The following SUGCT variants were observed in gnomAD, a reference collection of about 807,000 sequenced individuals.
SUGCT encodes the protein succinyl-CoA:glutarate CoA-transferase.
SUGCT carries 41 observed loss-of-function variants against 55.0 expected under a neutral mutation model. The ratio of observed to expected loss-of-function variants is 0.74; its 90% CI spans 0.58 to 0.97. The LOEUF is 0.97. Ranked by LOEUF, SUGCT falls within the 50% of genes least tolerant of loss-of-function variation. The pLI is 0.00. For synonymous variants in SUGCT, 187 were observed against 200.4 expected (o/e 0.93, Z 0.56); for missense variants, 568 against 547.8 (o/e 1.04, Z -0.37).
the SUGCT span, among the ~76,000 whole-genome samples, chr7:41,002,047 G>C: frequency 6.6e-6 from 1 of 152,186 alleles, no homozygotes. Context: ...TATTTTGAGA[G>C]TCTTGCTTTG....
chr7:40,722,221 A>T (rs1318235004), intron 12 of SUGCT, among the ~76,000 whole-genome samples: 1 of 152,036 alleles, frequency 6.6e-6, no homozygotes, highest in African/African-American at 2.4e-5. Context: ...ATTGGGGAAA[A>T]TTTTTCAGCA....
intron 7 of SUGCT, among the ~76,000 whole-genome samples, chr7:40,267,073 T>C (rs1451073602): frequency 2.7e-5 from 4 of 148,494 alleles, no homozygotes; most frequent in Non-Finnish European, 6.0e-5. Flanking sequence ...AAAATAACAC[T>C]GGGAATGGTG....
the SUGCT span, among the ~76,000 whole-genome samples, chr7:40,920,378 T>C: frequency 6.5e-4 from 99 of 152,148 alleles, 1 homozygote; most frequent in Non-Finnish European, 7.8e-4. Context: ...AACAAGAATA[T>C]CACCAGAAGC....
chr7:40,175,327 C>G (rs1784872237), intron 1 of SUGCT, among the ~76,000 whole-genome samples: 2 of 151,862 alleles, frequency 1.3e-5, no homozygotes, highest in South Asian at 2.1e-4. Flanking sequence ...TCAAGCGATT[C>G]TCCTGCCTCA....
At chr7:40,386,779 G>A (rs1235627797) in intron 9 of SUGCT, among the ~76,000 whole-genome samples, 4 of 152,178 alleles carry the variant, frequency 2.6e-5, no homozygotes, top group South Asian at 4.1e-4. Context: ...ATGGAGCCTC[G>A]TGTGGCCACC....
At chr7:40,990,406 T>C in the SUGCT span, among the ~76,000 whole-genome samples, 1 of 152,260 alleles carries the variant, frequency 6.6e-6, no homozygotes. Flanking sequence ...CAGTAAACTA[T>C]GCTGTAAACA....
chr7:40,375,106 G>A (rs1422625219), intron 9 of SUGCT, among the ~76,000 whole-genome samples: 1 of 152,172 alleles, frequency 6.6e-6, no homozygotes, highest in Non-Finnish European at 1.5e-5. Flanking sequence ...AGTACAGACA[G>A]CGTCACAAAG....
intron 13 of SUGCT, among the ~76,000 whole-genome samples, chr7:40,821,905 G>A (rs1033768274): frequency 6.6e-6 from 1 of 152,152 alleles, no homozygotes; most frequent in South Asian, 2.1e-4. Flanking sequence ...GGCATTTAGT[G>A]CTATAAATTT....
chr7:40,864,354 G>A (rs142858473), downstream of SUGCT, among the ~76,000 whole-genome samples: 683 of 152,280 alleles, frequency 4.5e-3, 4 homozygotes, highest in Admixed American at 7.9e-3. Flanking sequence ...GTTTCACCAT[G>A]TTGGCCAGGC....
intron 9 of SUGCT, among the ~76,000 whole-genome samples, chr7:40,336,074 A>G (rs1796682973): frequency 6.6e-6 from 1 of 152,192 alleles, no homozygotes; most frequent in South Asian, 2.1e-4. Flanking sequence ...ATGTTGAACC[A>G]GCCTTGCATC....
intron 9 of SUGCT, among the ~76,000 whole-genome samples, chr7:40,426,952 G>C (rs1214364006): frequency 6.6e-6 from 1 of 151,890 alleles, no homozygotes; most frequent in African/African-American, 2.4e-5. Flanking sequence ...TTGTTAACTT[G>C]TTAGAATTAC....
chr7:40,424,218 G>A (rs963894810), intron 9 of SUGCT, among the ~76,000 whole-genome samples: 7 of 152,098 alleles, frequency 4.6e-5, no homozygotes, highest in African/African-American at 1.7e-4. Flanking sequence ...CAGCACAGGG[G>A]CTTATGTAGT....
At chr7:40,260,330 A>C (rs1791138003) in intron 7 of SUGCT, among the ~76,000 whole-genome samples, 2 of 152,198 alleles carry the variant, frequency 1.3e-5, no homozygotes, top group African/African-American at 2.4e-5. Flanking sequence ...TATATCTAGA[A>C]TATAACATAG....
the SUGCT span, among the ~76,000 whole-genome samples, chr7:41,001,811 C>A: frequency 6.6e-6 from 1 of 152,152 alleles, no homozygotes; most frequent in Non-Finnish European, 1.5e-5. Context: ...TATACATTTT[C>A]GGAGGACACA....
intron 13 of SUGCT, among the ~76,000 whole-genome samples, chr7:40,843,976 CAGCTCTAAACCCATCACGGGAAGGGG>C (rs1420058884): frequency 1.3e-5 from 2 of 152,060 alleles, no homozygotes; most frequent in Non-Finnish European, 2.9e-5. Flanking sequence ...ACTCGGCCCG[CAGCTCTAAACCCATCACGGGAAGGGG>C]AGTACTCAGG....
chr7:40,260,645 GT>G (rs1263106909), intron 7 of SUGCT, among the ~76,000 whole-genome samples: 2 of 150,996 alleles, frequency 1.3e-5, no homozygotes, highest in Non-Finnish European at 3.0e-5. Context: ...AAAAGCTTTT[GT>G]TTTGTTTTGT....
At chr7:40,146,387 G>A (rs1788246462) in intron 1 of SUGCT, among the ~76,000 whole-genome samples, 1 of 152,188 alleles carries the variant, frequency 6.6e-6, no homozygotes, top group Non-Finnish European at 1.5e-5. Flanking sequence ...TGTCGCTAGA[G>A]GAAGTAAAGA....
chr7:40,453,277 T>C (rs1323383854), intron 10 of SUGCT, among the ~76,000 whole-genome samples: 4 of 152,172 alleles, frequency 2.6e-5, no homozygotes, highest in African/African-American at 7.2e-5. Flanking sequence ...GGAGTGAATC[T>C]CCTTTCCTTT....
chr7:40,617,423 G>T (rs1799057919), intron 12 of SUGCT, among the ~76,000 whole-genome samples: 3 of 151,656 alleles, frequency 2.0e-5, no homozygotes, highest in South Asian at 4.2e-4. Flanking sequence ...TTGACTCACA[G>T]TACAAGAGCT....
Sources: allele counts gnomAD v4.1 joint callset (sites outside exome capture counted in the v4.1 genomes callset), GRCh38; gene constraint gnomAD v4.1.1; transcripts MANE v1.5; gene names NCBI Gene and HGNC (gene_info 2026-07-23, HGNC 2026-07-21).